Variants in ABCA12 observed in about 807,000 individuals in gnomAD.
The protein encoded by ABCA12 is ATP binding cassette subfamily A member 12.
A neutral mutation model predicts 293.5 loss-of-function variants in ABCA12; 156 were observed. The ratio of observed to expected loss-of-function variants is 0.53; its 90% confidence interval spans 0.47 to 0.61. The LOEUF (loss-of-function observed/expected upper bound fraction) is 0.61, where lower values mean the gene tolerates loss of function less well. ABCA12 is among the 20% of genes least tolerant of loss of function. The pLI is 0.00. For missense variants in ABCA12, 2,797 were observed against 3,090.2 expected, an observed-to-expected ratio of 0.91 and a Z score of 2.25; for synonymous variants, 1,063 against 1,108.0, an observed-to-expected ratio of 0.96 and a Z score of 0.81.
intron 50 of ABCA12, among the ~76,000 whole-genome samples, chr2:214,940,292 C>G (rs1411683584): frequency 6.6e-6 from 1 of 152,148 alleles, no homozygotes; most frequent in Non-Finnish European, 1.5e-5. Flanking sequence ...GTTGAACAAG[C>G]CTTGCATCCC....
At chr2:215,017,830 T>C (rs1239683810) in intron 14 of ABCA12, 178 bp downstream of exon 14, 1 of 754,360 alleles carries the variant, frequency 1.3e-6, no homozygotes, top group Non-Finnish European at 2.1e-6. Context: ...GTGATAAAAT[T>C]CTTGCTTCAG....
At position 214,951,128 on chromosome 2, in the gene ABCA12, C is replaced by G. The variant is rs751359608; in HGVS notation, c.6648-45G>C. On this transcript the variant is annotated intron_variant, in intron 44 of 52. Transcript: ENST00000272895. ...TTTTACGTCAATGATTTTGAAATGA[C>G]AGCATTCAATTTTGACATGTTTTGA... 19 of 1,547,686 alleles carry G rather than the reference C, an allele frequency of 1.2e-5. 2 individuals are homozygous for G. The South Asian group carries it at 2.1e-4, about 17-fold the overall frequency.
chr2:215,135,324 T>C (rs192283970), intron 1 of ABCA12, among the ~76,000 whole-genome samples: 196 of 152,354 alleles, frequency 1.3e-3, no homozygotes, highest in Non-Finnish European at 7.3e-4. Flanking sequence ...ATATTTTTAC[T>C]ATATCTTTGT....
At chr2:215,067,713 C>T (rs1701664105) in intron 2 of ABCA12, among the ~76,000 whole-genome samples, 1 of 152,124 alleles carries the variant, frequency 6.6e-6, no homozygotes, top group South Asian at 2.1e-4. Flanking sequence ...AGTGAGGAGC[C>T]AGCCACTCAT....
chr2:215,080,327 A>C (rs12476982), intron 2 of ABCA12, among the ~76,000 whole-genome samples: 33 of 152,046 alleles, frequency 2.2e-4, no homozygotes, highest in Admixed American at 5.9e-4. Context: ...GTGAGATATC[A>C]TATCTACCAA....
chr2:214,951,156 G>C (rs1213708188), intron 44 of ABCA12, 73 bp from the exon 45 acceptor site: 2 of 1,325,260 alleles, frequency 1.5e-6, no homozygotes, highest in African/African-American at 2.9e-5. Flanking sequence ...TGTTTTGATG[G>C]GTTTTCATGT....
chr2:215,110,766 TC>T (rs1190026179), intron 2 of ABCA12, among the ~76,000 whole-genome samples: 1 of 152,234 alleles, frequency 6.6e-6, no homozygotes, highest in Non-Finnish European at 1.5e-5. Context: ...AGGATTGTCT[TC>T]TTTTACATAG....
intron 1 of ABCA12, among the ~76,000 whole-genome samples, chr2:215,113,322 T>C (rs1702617208): frequency 6.6e-6 from 1 of 152,250 alleles, no homozygotes; most frequent in Non-Finnish European, 1.5e-5. Context: ...AAGTTCACTA[T>C]AGATCCAAGG....
intron 42 of ABCA12, among the ~76,000 whole-genome samples, 169 bp downstream of exon 42, chr2:214,956,494 T>C (rs1011764176): frequency 1.3e-5 from 1 of 76,090 alleles, no homozygotes; most frequent in Non-Finnish European, 4.0e-5. Flanking sequence ...TCAAAAGTAT[T>C]ATACTTTGCA....
At chr2:214,968,192 A>G (rs1246641566) in intron 38 of ABCA12, among the ~76,000 whole-genome samples, 3 of 152,140 alleles carry the variant, frequency 2.0e-5, no homozygotes, top group Non-Finnish European at 2.9e-5. Context: ...AAGAATTGCC[A>G]GCCTCCAGAA....
intron 51 of ABCA12, 109 bp from the exon 52 acceptor site, chr2:214,934,324 G>C: frequency 8.3e-7 from 1 of 1,204,534 alleles, no homozygotes; most frequent in Non-Finnish European, 1.2e-6. Context: ...TCATTCCACT[G>C]AAAATGATGC....
chr2:215,079,169 C>T lies in ABCA12; in HGVS notation c.164-14950G>A, dbSNP rs117215820. 1.7e-4 allele frequency among the ~76,000 whole-genome samples: 26 copies of T among 152,270 alleles called. No individual in the cohort carries two copies. In the East Asian group the frequency reaches 3.3e-3, roughly 19 times the overall value. On this transcript the variant is annotated intron_variant, in intron 2 of 52. Coordinates refer to ENST00000272895, the MANE Select transcript of ABCA12 (RefSeq NM_173076.3). ...CTGCAGAGATAACAGATACTAAAAT[C>T]GCAACCCTCATACCATCTTTTCTTC...
chr2:215,085,400 T>G (rs1243008770), intron 2 of ABCA12: 14 of 152,196 alleles, frequency 9.2e-5, no homozygotes, highest in Non-Finnish European at 1.5e-5. Flanking sequence ...CCCTAAGACC[T>G]TGGCCCACTG....
At chr2:215,083,122 C>A (rs1203015640) in intron 2 of ABCA12, among the ~76,000 whole-genome samples, 2 of 152,204 alleles carry the variant, frequency 1.3e-5, no homozygotes, top group Non-Finnish European at 2.9e-5. Flanking sequence ...ATGTAACAGG[C>A]ATTTCCATAC....
chr2:215,024,706 A>G (rs1295218771), intron 11 of ABCA12, among the ~76,000 whole-genome samples: 1 of 152,188 alleles, frequency 6.6e-6, no homozygotes, highest in African/African-American at 2.4e-5. Flanking sequence ...TACCATGTTC[A>G]CTATACAAGT....
At chr2:215,066,209 C>T (rs1429130654) in intron 2 of ABCA12, among the ~76,000 whole-genome samples, 2 of 151,762 alleles carry the variant, frequency 1.3e-5, no homozygotes, top group African/African-American at 4.8e-5. Context: ...CTCTGTTACA[C>T]AGATCTCCAC....
chr2:214,948,811 G>A, intron 46 of ABCA12, 74 bp from the exon 47 acceptor site: 1 of 1,578,808 alleles, frequency 6.3e-7, no homozygotes, highest in Non-Finnish European at 8.7e-7. Context: ...TGCTGGGAAG[G>A]TAGCTCTATT....
At chr2:214,940,983 A>G (rs1698382565) in intron 50 of ABCA12, among the ~76,000 whole-genome samples, 1 of 151,822 alleles carries the variant, frequency 6.6e-6, no homozygotes, top group African/African-American at 2.4e-5. Context: ...CTCTGATCTT[A>G]GTCATTTCTT....
At chr2:214,975,333 C>A (rs1699489377) in intron 34 of ABCA12, among the ~76,000 whole-genome samples, 1 of 152,202 alleles carries the variant, frequency 6.6e-6, no homozygotes, top group Non-Finnish European at 1.5e-5. Context: ...AAAGGTATCA[C>A]AGGAAAATGC....
Sources: gnomAD v4.1 joint callset for allele counts (sites outside exome capture counted in the v4.1 genomes callset) on GRCh38, gnomAD v4.1.1 for gene constraint, MANE v1.5 for transcripts, NCBI Gene and HGNC (gene_info 2026-07-23, HGNC 2026-07-21) for gene names.